CPHXL2: variants seen among roughly 807,000 people sequenced by gnomAD.
CPHXL2 encodes cytoplasmic polyadenylated homeobox-like protein 2.
At chr16:75,666,649 T>TTC in the CPHXL2 span, among the ~76,000 whole-genome samples, 1 of 150,078 alleles carries the variant, frequency 6.7e-6, no homozygotes, top group East Asian at 1.9e-4. Flanking sequence ...ACATCAATAC[T>TTC]TCACTGACAG....
chr16:75,675,725 G>T, the CPHXL2 span, among the ~76,000 whole-genome samples: 5 of 152,212 alleles, frequency 3.3e-5, no homozygotes, highest in South Asian at 1.0e-3. Flanking sequence ...TGTTACTCTG[G>T]GTGCTCTTTG....
the CPHXL2 span, among the ~76,000 whole-genome samples, chr16:75,668,843 T>C: frequency 6.6e-6 from 1 of 152,204 alleles, no homozygotes; most frequent in African/African-American, 2.4e-5. Context: ...TTTTTTTAAA[T>C]TTTCCAAATA....
At chr16:75,663,111 A>T in the CPHXL2 span, among the ~76,000 whole-genome samples, 1 of 152,074 alleles carries the variant, frequency 6.6e-6, no homozygotes, top group Admixed American at 6.6e-5. Context: ...GTGGGAGGTA[A>T]TTCTTATAGT....
chr16:75,663,388 C>T, the CPHXL2 span, among the ~76,000 whole-genome samples: 1 of 152,164 alleles, frequency 6.6e-6, no homozygotes, highest in Non-Finnish European at 1.5e-5. Context: ...CGCACCAAAA[C>T]TCATCTTGAA....
chr16:75,671,149 G>A, the CPHXL2 span, among the ~76,000 whole-genome samples: 1,730 of 152,220 alleles, frequency 0.011, 36 homozygotes, highest in African/African-American at 0.039. Context: ...CTGGAAGGCC[G>A]AAGCCAGCAG....
chr16:75,670,398 C>G, the CPHXL2 span, among the ~76,000 whole-genome samples: 5 of 152,112 alleles, frequency 3.3e-5, no homozygotes, highest in African/African-American at 1.2e-4. Flanking sequence ...TTCTCTCTAT[C>G]TGAGTGCTCT....
the CPHXL2 span, chr16:75,661,269 T>C: frequency 5.0e-6 from 2 of 400,668 alleles, no homozygotes; most frequent in African/African-American, 2.1e-5. Context: ...AAAGATAATA[T>C]TGTATTATCA....
chr16:75,664,491 G>A, the CPHXL2 span, among the ~76,000 whole-genome samples: 4 of 152,004 alleles, frequency 2.6e-5, no homozygotes, highest in South Asian at 6.3e-4. Context: ...TAGGCATGGC[G>A]GCACGTGCCT....
chr16:75,662,291 A>G, the CPHXL2 span, among the ~76,000 whole-genome samples: 1 of 150,766 alleles, frequency 6.6e-6, no homozygotes, highest in African/African-American at 2.4e-5. Flanking sequence ...GCTATCTGGA[A>G]GCTCCCCAAA....
At chr16:75,675,423 C>A in the CPHXL2 span, among the ~76,000 whole-genome samples, 4 of 151,972 alleles carry the variant, frequency 2.6e-5, no homozygotes, top group Non-Finnish European at 5.9e-5. Context: ...CATTTCCAGA[C>A]AACTTATTTT....
At chr16:75,660,239 A>G in the CPHXL2 span, 4 of 397,376 alleles carry the variant, frequency 1.0e-5, no homozygotes, top group Non-Finnish European at 1.8e-5. Flanking sequence ...ACCTGTGGCT[A>G]TGGTTCTGTG....
At chr16:75,662,861 C>T in the CPHXL2 span, among the ~76,000 whole-genome samples, 1,125 of 148,296 alleles carry the variant, frequency 7.6e-3, 9 homozygotes, top group Non-Finnish European at 7.6e-3. Context: ...TGCAGTGGCG[C>T]AGTGTCGGCT....
the CPHXL2 span, among the ~76,000 whole-genome samples, chr16:75,670,525 T>C: frequency 2.6e-5 from 4 of 152,314 alleles, no homozygotes; most frequent in African/African-American, 9.6e-5. Context: ...ATTTGTTTAT[T>C]TTTGAGATGG....
the CPHXL2 span, among the ~76,000 whole-genome samples, chr16:75,670,872 T>A: frequency 6.6e-6 from 1 of 152,180 alleles, no homozygotes; most frequent in African/African-American, 2.4e-5. Flanking sequence ...TGACATCGCT[T>A]CTTCTTTTCC....
chr16:75,667,867 A>T, the CPHXL2 span, among the ~76,000 whole-genome samples: 5 of 152,214 alleles, frequency 3.3e-5, no homozygotes, highest in Admixed American at 6.5e-5. Context: ...CCTTAGTAAA[A>T]GGCAATTCCT....
At chr16:75,670,723 T>A in the CPHXL2 span, among the ~76,000 whole-genome samples, 21 of 152,102 alleles carry the variant, frequency 1.4e-4, no homozygotes, top group South Asian at 2.9e-3. Flanking sequence ...TCTCCAACTC[T>A]TGAGCTCAAG....
chr16:75,676,263 T>A, the CPHXL2 span, among the ~76,000 whole-genome samples: 1 of 151,984 alleles, frequency 6.6e-6, no homozygotes, highest in East Asian at 1.9e-4. Context: ...ACAATATTTC[T>A]GAACAAAATC....
At chr16:75,662,090 T>G in the CPHXL2 span, among the ~76,000 whole-genome samples, 3 of 152,308 alleles carry the variant, frequency 2.0e-5, no homozygotes, top group South Asian at 4.1e-4. Flanking sequence ...TGGCTTTGGG[T>G]TGGGGCTCCT....
the CPHXL2 span, chr16:75,676,974 C>T: frequency 1.8e-5 from 7 of 398,406 alleles, no homozygotes; most frequent in Non-Finnish European, 2.7e-5. Context: ...AGTTCTCTAC[C>T]AAAGGCACTC....
Sources: gnomAD v4.1 joint callset for allele counts (sites outside exome capture counted in the v4.1 genomes callset) on GRCh38, gnomAD v4.1.1 for gene constraint, MANE v1.5 for transcripts, NCBI Gene and HGNC (gene_info 2026-07-23, HGNC 2026-07-21) for gene names.